The following EPHA6 variants were observed in gnomAD, a reference collection of about 807,000 sequenced individuals.
The protein encoded by EPHA6 is ephrin type-A receptor 6.
EPHA6 carries 50 observed loss-of-function variants against 112.0 expected under a neutral mutation model. The ratio of observed to expected loss-of-function variants is 0.45; its 90% CI spans 0.36 to 0.56. EPHA6 has a LOEUF of 0.56. EPHA6 is among the 20% of genes least tolerant of loss of function. EPHA6 has a pLI of 0.00. For synonymous variants in EPHA6, 529 were observed against 490.7 expected, an observed-to-expected ratio of 1.08 and a Z score of -1.03; for missense variants, 1,280 against 1,417.4, an observed-to-expected ratio of 0.90 and a Z score of 1.56.
intron 7 of EPHA6, among the ~76,000 whole-genome samples, chr3:97,455,598 C>T (rs2090655788): frequency 6.6e-6 from 1 of 151,860 alleles, no homozygotes; most frequent in South Asian, 2.1e-4. Flanking sequence ...TTATATTTTG[C>T]CTTAGCATAA....
chr3:97,371,484 G>T (rs190720948), intron 5 of EPHA6, among the ~76,000 whole-genome samples: 64 of 152,228 alleles, frequency 4.2e-4, no homozygotes, highest in African/African-American at 1.4e-3. Flanking sequence ...CAATACCCTT[G>T]TGATTTCCTA....
At chr3:97,019,933 T>C (rs550528755) in intron 3 of EPHA6, among the ~76,000 whole-genome samples, 5 of 152,216 alleles carry the variant, frequency 3.3e-5, no homozygotes, top group Non-Finnish European at 7.3e-5. Flanking sequence ...TTTCTCCTTG[T>C]ATTCATGCTT....
chr3:97,674,504 A>G (rs2031165665), intron 14 of EPHA6, among the ~76,000 whole-genome samples: 1 of 152,200 alleles, frequency 6.6e-6, no homozygotes, highest in Admixed American at 6.5e-5. Context: ...TTTCAGACTA[A>G]AGGAGATGAA....
At chr3:97,356,972 T>A (rs2084112081) in intron 5 of EPHA6, among the ~76,000 whole-genome samples, 1 of 152,222 alleles carries the variant, frequency 6.6e-6, no homozygotes, top group South Asian at 2.1e-4. Context: ...GTAATGTGTG[T>A]AAATACTTAT....
chr3:97,525,609 C>G (rs535776343), intron 10 of EPHA6, among the ~76,000 whole-genome samples: 22 of 152,262 alleles, frequency 1.4e-4, no homozygotes, highest in African/African-American at 4.1e-4. Flanking sequence ...GAGCTAACTC[C>G]TCTTTCACTC....
intron 3 of EPHA6, among the ~76,000 whole-genome samples, chr3:97,140,122 C>G (rs1255135693): frequency 1.3e-5 from 2 of 151,564 alleles, no homozygotes; most frequent in Non-Finnish European, 2.9e-5. Context: ...GAAGGCAAAT[C>G]TTTTGAATTA....
intron 3 of EPHA6, among the ~76,000 whole-genome samples, chr3:97,041,284 A>AT (rs1205279974): frequency 6.6e-6 from 1 of 151,976 alleles, no homozygotes; most frequent in Non-Finnish European, 1.5e-5. Context: ...CCATTTATTT[A>AT]TCCCTTGAAA....
At chr3:97,685,979 G>A (rs1440415765) in intron 14 of EPHA6, among the ~76,000 whole-genome samples, 5 of 151,904 alleles carry the variant, frequency 3.3e-5, no homozygotes, top group Non-Finnish European at 7.4e-5. Flanking sequence ...ATGGCAAATG[G>A]CATTACACTA....
chr3:97,732,866 A>G (rs1164217830), intron 15 of EPHA6, among the ~76,000 whole-genome samples: 2 of 152,020 alleles, frequency 1.3e-5, no homozygotes, highest in African/African-American at 2.4e-5. Context: ...TTTTCCTGTA[A>G]GATGGGTCCC....
intron 14 of EPHA6, chr3:97,648,519 T>G (rs2094084580): frequency 7.7e-7 from 1 of 1,296,012 alleles, no homozygotes; most frequent in African/African-American, 1.5e-5. Flanking sequence ...AGTTAATTTT[T>G]AAGCCTTGAA....
At chr3:96,907,096 A>G (rs1032075852) in intron 2 of EPHA6, among the ~76,000 whole-genome samples, 2 of 151,862 alleles carry the variant, frequency 1.3e-5, no homozygotes, top group African/African-American at 4.8e-5. Flanking sequence ...GAACGTTATA[A>G]TGAAAGGATC....
chr3:97,622,827 A>G (rs1368428163), intron 13 of EPHA6, among the ~76,000 whole-genome samples: 1 of 151,728 alleles, frequency 6.6e-6, no homozygotes, highest in Non-Finnish European at 1.5e-5. Context: ...TGGTGTCTCA[A>G]CGAAGTTTTA....
chr3:97,512,934 C>T (rs1376020272), intron 10 of EPHA6, among the ~76,000 whole-genome samples: 2 of 152,102 alleles, frequency 1.3e-5, no homozygotes, highest in Non-Finnish European at 2.9e-5. Context: ...AGACATTCTC[C>T]CATACTGGGG....
At chr3:97,444,513 A>G (rs1031054409) in intron 6 of EPHA6, among the ~76,000 whole-genome samples, 1 of 152,206 alleles carries the variant, frequency 6.6e-6, no homozygotes, top group African/African-American at 2.4e-5. Context: ...AGTGTTCTAG[A>G]ACCTTATACA....
chr3:96,878,512 A>G (rs1258524943), intron 2 of EPHA6, among the ~76,000 whole-genome samples: 1 of 152,086 alleles, frequency 6.6e-6, no homozygotes, highest in Non-Finnish European at 1.5e-5. Flanking sequence ...CTGTAATTGA[A>G]TGCAGATAGA....
intron 3 of EPHA6, among the ~76,000 whole-genome samples, chr3:97,171,579 G>A (rs138583391): frequency 2.0e-5 from 3 of 152,104 alleles, no homozygotes; most frequent in African/African-American, 7.2e-5. Flanking sequence ...TTCTGGGTAA[G>A]TTTGGAACCA....
At chr3:96,880,681 C>G (rs185779433) in intron 2 of EPHA6, among the ~76,000 whole-genome samples, 3 of 152,060 alleles carry the variant, frequency 2.0e-5, no homozygotes, top group African/African-American at 7.2e-5. Flanking sequence ...CTGTTGCACC[C>G]CATTCTTCCT....
chr3:97,253,439 T>G (rs2079202259), intron 5 of EPHA6, among the ~76,000 whole-genome samples: 1 of 152,240 alleles, frequency 6.6e-6, no homozygotes, highest in South Asian at 2.1e-4. Flanking sequence ...CAGTTATCGA[T>G]ACTTTTATGC....
chr3:97,729,828 T>C (rs1348001520), intron 15 of EPHA6, among the ~76,000 whole-genome samples: 1 of 152,056 alleles, frequency 6.6e-6, no homozygotes, highest in East Asian at 1.9e-4. Context: ...AAATAATCGT[T>C]ACCACAAAAA....
Sources: allele counts gnomAD v4.1 joint callset (sites outside exome capture counted in the v4.1 genomes callset), GRCh38; gene constraint gnomAD v4.1.1; transcripts MANE v1.5; gene names NCBI Gene and HGNC (gene_info 2026-07-23, HGNC 2026-07-21).